FAM110B: variants seen among roughly 807,000 people sequenced by gnomAD.
FAM110B encodes family with sequence similarity 110 member B.
Under a neutral mutation model 20.4 loss-of-function variants are expected in FAM110B, and 6 were observed. That is an observed-to-expected ratio of 0.29 (90% confidence interval 0.16 to 0.58). FAM110B has a LOEUF of 0.58. Ranked by LOEUF, FAM110B falls within the 20% of genes least tolerant of loss-of-function variation. The pLI, the probability that FAM110B is intolerant of heterozygous loss-of-function variation, is 0.90. For missense variants in FAM110B, 434 were observed against 498.2 expected, an observed-to-expected ratio of 0.87 and a Z score of 1.23; for synonymous variants, 226 against 214.1, an observed-to-expected ratio of 1.06 and a Z score of -0.49.
chr8:58,074,346 G>T (rs888748889), intron 2 of FAM110B, among the ~76,000 whole-genome samples: 3 of 151,886 alleles, frequency 2.0e-5, no homozygotes. Flanking sequence ...GCCACACAGT[G>T]TCCACCAATC....
intron 3 of FAM110B, among the ~76,000 whole-genome samples, chr8:58,117,048 A>C (rs1807231608): frequency 6.6e-6 from 1 of 152,204 alleles, no homozygotes; most frequent in South Asian, 2.1e-4. Flanking sequence ...AGGATGGCTG[A>C]AAGCAAAGAG....
chr8:58,050,619 G>A (rs1296993949), intron 2 of FAM110B, among the ~76,000 whole-genome samples: 4 of 152,186 alleles, frequency 2.6e-5, no homozygotes, highest in Admixed American at 2.6e-4. Flanking sequence ...GAACATTGCA[G>A]CCAACAGCAG....
At chr8:58,139,927 T>C (rs1803702555) in intron 3 of FAM110B, among the ~76,000 whole-genome samples, 2 of 151,084 alleles carry the variant, frequency 1.3e-5, no homozygotes, top group African/African-American at 4.9e-5. Context: ...GAGACTCTGT[T>C]TTAAATAATA....
intron 3 of FAM110B, among the ~76,000 whole-genome samples, chr8:58,111,801 A>G (rs1370051311): frequency 1.3e-5 from 2 of 152,170 alleles, no homozygotes; most frequent in Non-Finnish European, 2.9e-5. Flanking sequence ...TCGAAGAATT[A>G]ATGCTGTATT....
At chr8:58,055,043 A>G (rs1246172781) in intron 2 of FAM110B, among the ~76,000 whole-genome samples, 2 of 152,168 alleles carry the variant, frequency 1.3e-5, no homozygotes, top group African/African-American at 4.8e-5. Flanking sequence ...ATCTTTGGGA[A>G]CTGAAATAGT....
In FAM110B at chr8:58,094,376, A is replaced by G. The variant is rs1806566747; in HGVS notation, c.-325+18753A>G. On this transcript the variant is annotated intron_variant, in intron 3 of 3. Coordinates refer to ENST00000519262, the MANE Select transcript of FAM110B (RefSeq NM_001377989.1). ...TTTTTGCCCATTCAGTATGATATTG[A>G]TTGTGGGTTTGTCATAAATAGCTCT... Among the ~76,000 whole-genome samples, 7 of 152,248 alleles carry G rather than the reference A, an allele frequency of 4.6e-5. No homozygotes were observed. The South Asian group carries it at 1.5e-3, about 32-fold the overall frequency.
intron 3 of FAM110B, among the ~76,000 whole-genome samples, chr8:58,090,504 T>G (rs1806448914): frequency 6.6e-6 from 1 of 152,216 alleles, no homozygotes; most frequent in Admixed American, 6.5e-5. Flanking sequence ...CTTACTTTAT[T>G]GTAAGAGTAG....
chr8:58,027,970 T>C (rs1373020126), intron 1 of FAM110B, among the ~76,000 whole-genome samples: 3 of 152,242 alleles, frequency 2.0e-5, no homozygotes, highest in African/African-American at 7.2e-5. Context: ...TACTTAGTAG[T>C]AGCATTGCTG....
chr8:58,053,074 C>G (rs957849998), intron 2 of FAM110B, among the ~76,000 whole-genome samples: 1 of 151,474 alleles, frequency 6.6e-6, no homozygotes, highest in East Asian at 2.0e-4. Flanking sequence ...CGTGAGCCAC[C>G]GCGCCCGGCC....
intron 3 of FAM110B, among the ~76,000 whole-genome samples, chr8:58,112,035 G>A (rs997684908): frequency 7.2e-5 from 11 of 152,132 alleles, no homozygotes; most frequent in Admixed American, 6.5e-4. Context: ...TTTAAAATTA[G>A]TACTTTTGGC....
At chr8:57,995,244 G>C (rs995628447) in intron 1 of FAM110B, among the ~76,000 whole-genome samples, 12 of 152,268 alleles carry the variant, frequency 7.9e-5, no homozygotes, top group African/African-American at 1.9e-4. Context: ...ACGAAGGATG[G>C]GGACTCCGCT....
intron 3 of FAM110B, among the ~76,000 whole-genome samples, chr8:58,082,760 T>C (rs2150598116): frequency 6.6e-6 from 1 of 152,130 alleles, no homozygotes; most frequent in Admixed American, 6.5e-5. Flanking sequence ...GGAGGATCAT[T>C]TGAGCCCAGG....
In FAM110B at chr8:58,146,729, C is replaced by G. The variant is rs543657981; in HGVS notation, c.499C>G (p.Pro167Ala). 1 of 1,612,210 alleles carries G rather than the reference C, an allele frequency of 6.2e-7. No individual in the cohort carries two copies. The highest frequency in any genetic ancestry group is 1.3e-5 in the African/African-American group (1 of 74,914). The part of the protein sequence containing the change: ...HSFAESLKVY[P>A]TQGRRSPQEG... The stretch of plus-strand genomic sequence containing the variant: ...CTTCGCGGAGTCCCTGAAGGTCTAC[C>G]CCACGCAGGGCCGCAGGAGCCCGCA... The change falls in exon 4 of 4, where the codon CCC (proline) becomes GCC (alanine). Residue 167 changes from proline to alanine, a missense_variant. Coordinates refer to ENST00000519262, the MANE Select transcript of FAM110B (RefSeq NM_001377989.1).
chr8:58,125,542 GA>G (rs552169096), intron 3 of FAM110B, among the ~76,000 whole-genome samples: 24 of 152,152 alleles, frequency 1.6e-4, no homozygotes, highest in South Asian at 4.2e-4. Context: ...CATAATAATG[GA>G]AAAAGACTTT....
intron 3 of FAM110B, among the ~76,000 whole-genome samples, chr8:58,094,201 C>T (rs1682149188): frequency 6.6e-6 from 1 of 152,186 alleles, no homozygotes; most frequent in South Asian, 2.1e-4. Flanking sequence ...CAAACAGAGA[C>T]AATTTGACTT....
chr8:58,139,710 G>C (rs1401840091), intron 3 of FAM110B, among the ~76,000 whole-genome samples: 1 of 152,168 alleles, frequency 6.6e-6, no homozygotes, highest in Non-Finnish European at 1.5e-5. Flanking sequence ...GGTGGATCAT[G>C]AGGTCAGGAG....
chr8:58,082,818 G>A lies in FAM110B; in HGVS notation c.-325+7195G>A, dbSNP rs552804341. The stretch of plus-strand genomic sequence containing the variant: ...CACATCTCCTCATTGGTAGATGTGA[G>A]ACCCCCATCTCCATTTTTGTTTTTT... On this transcript the variant is annotated intron_variant, in intron 3 of 3. Coordinates refer to ENST00000519262, the MANE Select transcript of FAM110B (RefSeq NM_001377989.1). Among the ~76,000 whole-genome samples the A allele has an allele frequency of 2.1e-4, 32 of 151,224 alleles. No individual in the cohort carries two copies. The Middle Eastern group carries it at 0.014, about 64-fold the overall frequency.
rs145974143 is a variant in FAM110B, at chr8:58,008,822, G to A, written c.-512+14016G>A. Among the ~76,000 whole-genome samples, 454 of 152,240 alleles carry A rather than the reference G, an allele frequency of 3.0e-3. 2 individuals carry two copies. Among genetic ancestry groups the A allele is most frequent in the African/African-American group, 9.9e-3 (410 of 41,528 alleles). On this transcript the variant is annotated intron_variant, in intron 1 of 3. Transcript: ENST00000519262. ...GCAGGTGGAAGACAGGCCAGTATCC[G>A]CAGACTGTGTTCTTGCAGCTGATGC... is the stretch of plus-strand genomic sequence containing the variant.
At chr8:58,086,679 G>T (rs2150600718) in intron 3 of FAM110B, among the ~76,000 whole-genome samples, 1 of 152,272 alleles carries the variant, frequency 6.6e-6, no homozygotes, top group Non-Finnish European at 1.5e-5. Flanking sequence ...GTGCAATATT[G>T]CTCTCATATG....
Sources: gnomAD v4.1 joint callset for allele counts (sites outside exome capture counted in the v4.1 genomes callset) on GRCh38, gnomAD v4.1.1 for gene constraint, MANE v1.5 for transcripts, NCBI Gene and HGNC (gene_info 2026-07-23, HGNC 2026-07-21) for gene names.